Variants in CDH12 observed in about 807,000 individuals in gnomAD.
CDH12 encodes the protein cadherin-12.
In CDH12, 41 loss-of-function variants were observed where a neutral mutation model predicts 74.1. The ratio of observed to expected loss-of-function variants is 0.55; its 90% CI spans 0.43 to 0.72. CDH12 has a LOEUF of 0.72. Ranked by LOEUF, CDH12 falls within the 30% of genes least tolerant of loss-of-function variation. The pLI is 0.00. For missense variants in CDH12, 945 were observed against 977.2 expected, an observed-to-expected ratio of 0.97 and a Z score of 0.44; for synonymous variants, 399 against 355.0, an observed-to-expected ratio of 1.12 and a Z score of -1.39.
chr5:22,404,470 T>C (rs7731477), intron 3 of CDH12, among the ~76,000 whole-genome samples: 41,469 of 151,940 alleles, frequency 0.27, 5,706 homozygotes, highest in East Asian at 0.34. Flanking sequence ...CTTTTTTTTG[T>C]TGTTTTCTTA....
intron 3 of CDH12, among the ~76,000 whole-genome samples, chr5:22,374,070 T>C (rs1261377): frequency 0.42 from 63,911 of 151,908 alleles, 14,771 homozygotes; most frequent in Non-Finnish European, 0.52. Context: ...AACAAAATAC[T>C]AGCAAACTGA....
chr5:22,386,979 T>G (rs1429016011), intron 3 of CDH12, among the ~76,000 whole-genome samples: 1 of 151,992 alleles, frequency 6.6e-6, no homozygotes, highest in East Asian at 1.9e-4. Context: ...TATCTTAAAT[T>G]GTGTTGACAA....
At chr5:22,255,424 T>C (rs550450599) in intron 3 of CDH12, among the ~76,000 whole-genome samples, 11 of 151,932 alleles carry the variant, frequency 7.2e-5, no homozygotes, top group African/African-American at 2.2e-4. Context: ...GCTAAAAACA[T>C]TCATATTAAA....
intron 4 of CDH12, among the ~76,000 whole-genome samples, chr5:22,084,437 G>GAATT (rs1742935693): frequency 6.6e-6 from 1 of 152,212 alleles, no homozygotes; most frequent in Non-Finnish European, 1.5e-5. Context: ...TGAATTCACA[G>GAATT]CATAGTTTTA....
At chr5:21,764,839 T>G (rs1012946379) in intron 12 of CDH12, 139 bp downstream of exon 12, 2 of 791,326 alleles carry the variant, frequency 2.5e-6, no homozygotes, top group Non-Finnish European at 4.2e-6. Context: ...AGAGTTTAAT[T>G]AATCTTTTAT....
intron 10 of CDH12, among the ~76,000 whole-genome samples, chr5:21,796,565 T>C (rs1041283978): frequency 6.6e-6 from 1 of 152,106 alleles, no homozygotes; most frequent in African/African-American, 2.4e-5. Flanking sequence ...CAAGTCTATA[T>C]ACATAAAATA....
chr5:22,500,392 A>G (rs1434135026), intron 2 of CDH12, among the ~76,000 whole-genome samples: 1 of 152,132 alleles, frequency 6.6e-6, no homozygotes, highest in Non-Finnish European at 1.5e-5. Flanking sequence ...GTTAAACATG[A>G]CAGTTGTTAT....
intron 4 of CDH12, among the ~76,000 whole-genome samples, chr5:22,081,357 T>C (rs1742713848): frequency 6.6e-6 from 1 of 152,190 alleles, no homozygotes; most frequent in African/African-American, 2.4e-5. Context: ...TTTTCTCATT[T>C]GTTTTTAAGT....
rs1434030595 is a variant in CDH12 at position 22,822,696 on chromosome 5, C to G, written c.-523+30362G>C. On this transcript the variant is annotated intron_variant, in intron 1 of 14. Coordinates refer to ENST00000382254, the MANE Select transcript of CDH12 (RefSeq NM_004061.5). ...AACCACAATGAGATACCATCTCACACCAGTCAGAATGGCAATCATTAAAAA... is the reference window on the plus strand; with the variant it reads ...AACCACAATGAGATACCATCTCACAGCAGTCAGAATGGCAATCATTAAAAA... 2.0e-5 allele frequency among the ~76,000 whole-genome samples: 3 copies of G among 152,142 alleles called. No individual in the cohort carries two copies. In the East Asian group the frequency reaches 5.8e-4, roughly 29 times the overall value.
chr5:22,236,400 T>C (rs890160733), intron 3 of CDH12, among the ~76,000 whole-genome samples: 2 of 152,188 alleles, frequency 1.3e-5, no homozygotes, highest in Admixed American at 6.5e-5. Context: ...TTTTCAAGTT[T>C]TTCATTTTAT....
chr5:21,976,651 A>C (rs189683275), intron 5 of CDH12, among the ~76,000 whole-genome samples: 395 of 151,932 alleles, frequency 2.6e-3, no homozygotes, highest in African/African-American at 8.8e-3. Flanking sequence ...TAGCCATTTG[A>C]TTTCAGTATC....
At chr5:22,586,032 C>T (rs1405384259) in intron 1 of CDH12, among the ~76,000 whole-genome samples, 2 of 152,138 alleles carry the variant, frequency 1.3e-5, no homozygotes, top group Non-Finnish European at 2.9e-5. Flanking sequence ...TATAAAGACA[C>T]ATGCACACGT....
At chr5:22,586,552 G>A (rs1740413725) in intron 1 of CDH12, among the ~76,000 whole-genome samples, 1 of 148,832 alleles carries the variant, frequency 6.7e-6, no homozygotes, top group South Asian at 2.1e-4. Flanking sequence ...AAGAGATATG[G>A]GGATTTAGAA....
At chr5:22,225,083 C>A (rs1287754483) in intron 3 of CDH12, among the ~76,000 whole-genome samples, 1 of 151,894 alleles carries the variant, frequency 6.6e-6, no homozygotes, top group South Asian at 2.1e-4. Context: ...TATCTCATAG[C>A]TTTTCCAAAA....
chr5:21,866,751 G>A (rs1751348021), intron 6 of CDH12, among the ~76,000 whole-genome samples: 1 of 152,200 alleles, frequency 6.6e-6, no homozygotes, highest in Non-Finnish European at 1.5e-5. Flanking sequence ...GCTGGCTGCA[G>A]AAATTTGCAT....
At position 22,600,282 on chromosome 5, in the gene CDH12, T is replaced by A. The variant is rs140157912; in HGVS notation, c.-522-94918A>T. Among the ~76,000 whole-genome samples the A allele has an allele frequency of 3.8e-4, 58 of 152,274 alleles. No homozygotes were observed. The East Asian group carries it at 8.7e-3, about 23-fold the overall frequency. On this transcript the variant is annotated intron_variant, in intron 1 of 14. Coordinates refer to ENST00000382254, the MANE Select transcript of CDH12 (RefSeq NM_004061.5). Reference sequence around the variant, plus strand: ...TCTCCTCTTAGTTTTGATGTTGCTGTTACATATCCCTGAATACTATTGTCC... The same window carrying A: ...TCTCCTCTTAGTTTTGATGTTGCTGATACATATCCCTGAATACTATTGTCC...
chr5:22,591,925 G>A (rs1446851777), intron 1 of CDH12, among the ~76,000 whole-genome samples: 3 of 152,054 alleles, frequency 2.0e-5, no homozygotes, highest in African/African-American at 7.2e-5. Flanking sequence ...TTGCTTCCTT[G>A]AGATATCATT....
At chr5:22,549,789 A>G (rs1738488050) in intron 1 of CDH12, among the ~76,000 whole-genome samples, 1 of 152,208 alleles carries the variant, frequency 6.6e-6, no homozygotes, top group Admixed American at 6.5e-5. Context: ...TTGATCGACA[A>G]TCTCCAGATT....
intron 6 of CDH12, among the ~76,000 whole-genome samples, chr5:21,949,186 A>G (rs1405836979): frequency 6.6e-6 from 1 of 152,118 alleles, no homozygotes; most frequent in African/African-American, 2.4e-5. Flanking sequence ...ATTGTAGTGT[A>G]CACCTTCTAC....
Sources: allele counts gnomAD v4.1 joint callset (sites outside exome capture counted in the v4.1 genomes callset), GRCh38; gene constraint gnomAD v4.1.1; transcripts MANE v1.5; gene names NCBI Gene and HGNC (gene_info 2026-07-23, HGNC 2026-07-21).